Variants in TUFT1 observed in about 807,000 individuals in gnomAD.
TUFT1 encodes the protein tuftelin 1, also known as tuftelin.
TUFT1 carries 43 observed loss-of-function variants against 57.8 expected under a neutral mutation model. The ratio of observed to expected loss-of-function variants is 0.74; its 90% CI spans 0.58 to 0.96. The LOEUF (loss-of-function observed/expected upper bound fraction) is 0.96, where lower values mean the gene tolerates loss of function less well. TUFT1 is among the 40% of genes least tolerant of loss of function. The pLI, the probability that TUFT1 is intolerant of heterozygous loss-of-function variation, is 0.00. For missense variants in TUFT1, 459 were observed against 489.0 expected, an observed-to-expected ratio of 0.94 and a Z score of 0.58; for synonymous variants, 166 against 176.7, an observed-to-expected ratio of 0.94 and a Z score of 0.48.
chr1:151,545,654 T>G, intron 1 of TUFT1: 1 of 315,562 alleles, frequency 3.2e-6, no homozygotes, highest in South Asian at 2.8e-5. Context: ...AACTCTCTGG[T>G]TTGGGCAAGG....
chr1:151,573,438 C>T (rs1264997760), intron 7 of TUFT1, among the ~76,000 whole-genome samples: 3 of 152,216 alleles, frequency 2.0e-5, no homozygotes, highest in African/African-American at 2.4e-5. Flanking sequence ...TAACATTCTG[C>T]TTCTATCCTC....
chr1:151,576,795 G>A (rs1485340091), intron 9 of TUFT1, among the ~76,000 whole-genome samples: 1 of 151,940 alleles, frequency 6.6e-6, no homozygotes, highest in Non-Finnish European at 1.5e-5. Flanking sequence ...GGCTAATTTT[G>A]TGTATTTTTA....
intron 1 of TUFT1, among the ~76,000 whole-genome samples, chr1:151,552,060 A>C (rs1260629405): frequency 6.6e-6 from 1 of 152,108 alleles, no homozygotes; most frequent in African/African-American, 2.4e-5. Flanking sequence ...TAAAGTGCAA[A>C]TTATATTAGT....
intron 1 of TUFT1, among the ~76,000 whole-genome samples, chr1:151,548,556 C>T (rs1665416361): frequency 6.6e-6 from 1 of 152,156 alleles, no homozygotes; most frequent in African/African-American, 2.4e-5. Flanking sequence ...CTGCCTTGGC[C>T]TCCCAAAGTG....
intron 6 of TUFT1, among the ~76,000 whole-genome samples, chr1:151,567,376 G>A (rs1292866406): frequency 6.6e-6 from 1 of 152,030 alleles, no homozygotes; most frequent in Non-Finnish European, 1.5e-5. Flanking sequence ...TGGGACTATA[G>A]ACACGTGCCA....
intron 8 of TUFT1, among the ~76,000 whole-genome samples, chr1:151,574,675 G>A (rs1182800953): frequency 6.6e-6 from 1 of 152,166 alleles, no homozygotes; most frequent in Non-Finnish European, 1.5e-5. Flanking sequence ...CTGGCGAGTG[G>A]GCCTGCATGA....
chr1:151,580,891 A>C, intron 11 of TUFT1, 51 bp from the exon 12 acceptor site: 20 of 1,509,154 alleles, frequency 1.3e-5, no homozygotes, highest in Non-Finnish European at 1.8e-5. Context: ...TGAACGTGGC[A>C]CCCGGGAAGC....
intron 11 of TUFT1, 144 bp from the exon 12 acceptor site, chr1:151,580,798 T>A: frequency 1.5e-6 from 1 of 666,714 alleles, no homozygotes; most frequent in Non-Finnish European, 2.7e-6. Flanking sequence ...ATGAGGCAAG[T>A]GGGTATCCAG....
intron 1 of TUFT1, among the ~76,000 whole-genome samples, chr1:151,559,959 A>C (rs1665830362): frequency 6.6e-6 from 1 of 151,312 alleles, no homozygotes; most frequent in South Asian, 2.1e-4. Flanking sequence ...ACGCCTGGCT[A>C]ATTTTTTTGT....
chr1:151,562,032 G>T lies in TUFT1; in HGVS notation c.61-59G>T. Reference sequence around the variant, plus strand: ...CAGAAGCACCCCTGTACTGGTAGCAGTTTGTACCTGTAGACTGTAAAGTTG... The same window carrying T: ...CAGAAGCACCCCTGTACTGGTAGCATTTTGTACCTGTAGACTGTAAAGTTG... On this transcript the variant is annotated intron_variant, in intron 1 of 12. Coordinates refer to ENST00000368849, the MANE Select transcript of TUFT1 (RefSeq NM_020127.3). The T allele has an allele frequency of 5.1e-6, 8 of 1,557,920 alleles. No homozygotes were observed. In the South Asian group the frequency reaches 6.7e-5, roughly 13 times the overall value.
At chr1:151,571,351 A>C (rs1466063370) in intron 7 of TUFT1, among the ~76,000 whole-genome samples, 2 of 152,194 alleles carry the variant, frequency 1.3e-5, no homozygotes, top group Non-Finnish European at 2.9e-5. Flanking sequence ...ACACCTTACA[A>C]GTTTGTTGTG....
At chr1:151,548,250 G>A (rs928370670) in intron 1 of TUFT1, among the ~76,000 whole-genome samples, 8 of 151,640 alleles carry the variant, frequency 5.3e-5, no homozygotes, top group Non-Finnish European at 8.8e-5. Flanking sequence ...GATCACTTGG[G>A]TGCCATTGTT....
intron 9 of TUFT1, among the ~76,000 whole-genome samples, chr1:151,577,930 G>A (rs1666528933): frequency 6.6e-6 from 1 of 151,954 alleles, no homozygotes; most frequent in Non-Finnish European, 1.5e-5. Flanking sequence ...GGAGACTGAG[G>A]TAGGAGGATT....
chr1:151,581,721 G>C lies in TUFT1; in HGVS notation c.*14G>C. On this transcript the variant is annotated 3_prime_UTR_variant, in exon 13 of 13. Coordinates refer to ENST00000368849, the MANE Select transcript of TUFT1 (RefSeq NM_020127.3). ...GTGGAAACCTGAGCTGCCTGGAGATGGTTGCTGCCATTGCTGCTGCCTCTG... is the reference window on the plus strand; with the variant it reads ...GTGGAAACCTGAGCTGCCTGGAGATCGTTGCTGCCATTGCTGCTGCCTCTG... The C allele has an allele frequency of 6.2e-7, 1 of 1,614,140 alleles. No individual in the cohort carries two copies. Among genetic ancestry groups the C allele is most frequent in the Non-Finnish European group, 8.5e-7 (1 of 1,180,012 alleles).
chr1:151,543,848 G>T (rs1665245509), intron 1 of TUFT1, among the ~76,000 whole-genome samples: 1 of 152,156 alleles, frequency 6.6e-6, no homozygotes, highest in South Asian at 2.1e-4. Flanking sequence ...AGACCCAAGT[G>T]TTGTTATCAG....
At chr1:151,561,827 C>T (rs1167751214) in intron 1 of TUFT1, 2 of 1,451,768 alleles carry the variant, frequency 1.4e-6, no homozygotes, top group African/African-American at 2.8e-5. Context: ...CAGGGTAGCC[C>T]TGCTGGAGCT....
At chr1:151,553,855 AGGTATTTTGT>A (rs747865653) in intron 1 of TUFT1, among the ~76,000 whole-genome samples, 29 of 151,902 alleles carry the variant, frequency 1.9e-4, no homozygotes, top group Non-Finnish European at 3.5e-4. Context: ...TCATTCTGAT[AGGTATTTTGT>A]GGCATTGTTT....
At chr1:151,546,597 A>T (rs1665349482) in intron 1 of TUFT1, among the ~76,000 whole-genome samples, 1 of 152,140 alleles carries the variant, frequency 6.6e-6, no homozygotes, top group African/African-American at 2.4e-5. Flanking sequence ...CCTATTGTGG[A>T]TATTTAATAT....
In TUFT1 at chr1:151,540,315, A is replaced by G; in HGVS notation, c.-52A>G. The G allele has an allele frequency of 1.2e-6, 2 of 1,612,630 alleles. No homozygotes were observed. Among genetic ancestry groups the G allele is most frequent in the Non-Finnish European group, 8.5e-7 (1 of 1,179,014 alleles). On this transcript the variant is annotated 5_prime_UTR_variant, in exon 1 of 13. Transcript: ENST00000368849. ...GTTCCGCGCGCGCCCGCCCAGTTGG[A>G]GCCAGACAGCGGGGTGGACAAGTGG...
Sources: gnomAD v4.1 joint callset for allele counts (sites outside exome capture counted in the v4.1 genomes callset) on GRCh38, gnomAD v4.1.1 for gene constraint, MANE v1.5 for transcripts, NCBI Gene and HGNC (gene_info 2026-07-23, HGNC 2026-07-21) for gene names.